Variants in EYS observed in about 807,000 individuals in gnomAD.
EYS encodes the protein EGF-like photoreceptor maintenance factor.
Under a neutral mutation model 282.1 loss-of-function variants are expected in EYS, and 250 were observed. The observed-to-expected ratio is 0.89, with a 90% CI of 0.80 to 0.98. The LOEUF (loss-of-function observed/expected upper bound fraction) is 0.98, where lower values mean the gene tolerates loss of function less well. Ranked by LOEUF, EYS falls within the 50% of genes least tolerant of loss-of-function variation. EYS has a pLI of 0.00. For synonymous variants in EYS, 1,355 were observed against 1,282.9 expected, an observed-to-expected ratio of 1.06 and a Z score of -1.20; for missense variants, 4,016 against 3,709.0, an observed-to-expected ratio of 1.08 and a Z score of -2.15.
rs530562113 is a variant in EYS at position 63,938,912 on chromosome 6, CTAAA to C, written c.7055+45467_7055+45470del. On this transcript the variant is annotated intron_variant, in intron 35 of 42. Transcript: ENST00000503581. ...CATGGGTCAGGAGCACAAAAGTGAA[CTAAA>C]TAACAGAAATCAAAAGGCAAACATT... is the stretch of plus-strand genomic sequence containing the variant. 4.5e-3 allele frequency among the ~76,000 whole-genome samples: 684 copies of C among 152,222 alleles called. 4 individuals are homozygous for C. The highest frequency in any genetic ancestry group is 0.015 in the African/African-American group (628 of 41,528).
chr6:65,113,339 T>C (rs917346673), intron 12 of EYS, among the ~76,000 whole-genome samples: 3 of 151,990 alleles, frequency 2.0e-5, no homozygotes, highest in African/African-American at 7.2e-5. Context: ...ACAATCTATA[T>C]GATGAGTAGG....
intron 22 of EYS, among the ~76,000 whole-genome samples, chr6:64,655,065 A>C (rs1288826447): frequency 1.3e-5 from 2 of 152,312 alleles, no homozygotes; most frequent in East Asian, 3.9e-4. Flanking sequence ...ACGTGAAAAA[A>C]ATCGATCCAT....
chr6:64,302,907 C>A (rs1442269099), intron 30 of EYS, among the ~76,000 whole-genome samples: 2 of 152,102 alleles, frequency 1.3e-5, no homozygotes, highest in African/African-American at 4.8e-5. Flanking sequence ...CTTGTTTTCA[C>A]ACCCCCTCAG....
At position 63,809,396 on chromosome 6, in the gene EYS, C is replaced by T. The variant is rs548162324; in HGVS notation, c.7229-3024G>A. Among the ~76,000 whole-genome samples the T allele has an allele frequency of 3.3e-5, 5 of 152,320 alleles. No individual in the cohort carries two copies. The South Asian group carries it at 1.0e-3, about 32-fold the overall frequency. On this transcript the variant is annotated intron_variant, in intron 36 of 42. Coordinates refer to ENST00000503581, the MANE Select transcript of EYS (RefSeq NM_001142800.2). ...GCCTTCTGGAAGGATCAGTCATCAT[C>T]TAATCAGGAAATTGAACAGATTGTA...
At chr6:65,650,607 G>T (rs566390060) in intron 1 of EYS, among the ~76,000 whole-genome samples, 19 of 152,204 alleles carry the variant, frequency 1.2e-4, no homozygotes, top group African/African-American at 3.6e-4. Context: ...AGGCAAAAAC[G>T]AATGATAAAT....
chr6:63,810,216 G>A (rs1366870023), intron 36 of EYS, among the ~76,000 whole-genome samples: 7 of 147,700 alleles, frequency 4.7e-5, no homozygotes, highest in Admixed American at 1.4e-4. Context: ...AGCCGAGATC[G>A]CGCCACTGCA....
chr6:64,305,758 T>G (rs999080662), intron 30 of EYS, among the ~76,000 whole-genome samples: 2 of 152,130 alleles, frequency 1.3e-5, no homozygotes, highest in African/African-American at 4.8e-5. Context: ...ATTAAAAAGC[T>G]GAAACTTTAA....
In EYS at chr6:64,645,343, T is replaced by C. The variant is rs535474693; in HGVS notation, c.3444-19098A>G. Among the ~76,000 whole-genome samples, 247 of 152,340 alleles carry C rather than the reference T, an allele frequency of 1.6e-3. 3 individuals carry two copies. The highest frequency in any genetic ancestry group is 0.014 in the Middle Eastern group (4 of 294). ...TAAACAACTTAAAGCAGAACGATTT[T>C]AGACAAATCACAATATTGAATCCTC... On this transcript the variant is annotated intron_variant, in intron 22 of 42. Coordinates refer to ENST00000503581, the MANE Select transcript of EYS (RefSeq NM_001142800.2).
At chr6:65,507,857 A>C (rs1766714483) in intron 2 of EYS, among the ~76,000 whole-genome samples, 1 of 151,736 alleles carries the variant, frequency 6.6e-6, no homozygotes, top group Non-Finnish European at 1.5e-5. Flanking sequence ...TTTTTATTAG[A>C]TCTCTTAACA....
chr6:65,164,571 A>G (rs538938406), intron 12 of EYS, among the ~76,000 whole-genome samples: 1 of 151,414 alleles, frequency 6.6e-6, no homozygotes, highest in Non-Finnish European at 1.5e-5. Flanking sequence ...ACAGATCTAG[A>G]TCTATCTATC....
At chr6:64,401,094 T>A (rs1773525238) in intron 28 of EYS, among the ~76,000 whole-genome samples, 1 of 152,064 alleles carries the variant, frequency 6.6e-6, no homozygotes, top group African/African-American at 2.4e-5. Context: ...CAGCAAGTTC[T>A]AAACTTGCAC....
chr6:63,822,003 G>A (rs1039024057), intron 36 of EYS: 1 of 152,200 alleles, frequency 6.6e-6, no homozygotes, highest in African/African-American at 2.4e-5. Context: ...CCATGATGAA[G>A]GGCCATGTGC....
intron 15 of EYS, among the ~76,000 whole-genome samples, chr6:64,939,629 T>A (rs1769021526): frequency 6.6e-6 from 1 of 151,836 alleles, no homozygotes; most frequent in African/African-American, 2.4e-5. Context: ...AAGAATATTT[T>A]GAACCAATAG....
chr6:64,818,597 A>G (rs1764811628), intron 21 of EYS, among the ~76,000 whole-genome samples: 1 of 152,122 alleles, frequency 6.6e-6, no homozygotes, highest in Non-Finnish European at 1.5e-5. Flanking sequence ...AAAGCCCCTG[A>G]CAAACCACTG....
intron 30 of EYS, among the ~76,000 whole-genome samples, chr6:64,268,712 T>C (rs1189662303): frequency 6.6e-6 from 1 of 152,126 alleles, no homozygotes; most frequent in African/African-American, 2.4e-5. Flanking sequence ...AAGAATTGTT[T>C]GGGGATTCTG....
At chr6:64,397,439 T>G (rs541683695) in intron 28 of EYS, among the ~76,000 whole-genome samples, 1 of 152,192 alleles carries the variant, frequency 6.6e-6, no homozygotes, top group South Asian at 2.1e-4. Flanking sequence ...TCTTTGTGTT[T>G]TCTTTGTGGA....
intron 5 of EYS, among the ~76,000 whole-genome samples, chr6:65,407,097 C>T (rs982111261): frequency 9.2e-5 from 14 of 152,178 alleles, no homozygotes; most frequent in Non-Finnish European, 7.4e-5. Context: ...GATGAATATG[C>T]AATGTATCTC....
intron 22 of EYS, among the ~76,000 whole-genome samples, chr6:64,747,335 G>A (rs747466203): frequency 9.9e-5 from 15 of 151,888 alleles, no homozygotes; most frequent in South Asian, 2.1e-4. Flanking sequence ...TTATGTTGGC[G>A]TCATTTTTGA....
chr6:64,895,499 G>A (rs1306751700), intron 18 of EYS, among the ~76,000 whole-genome samples: 1 of 152,136 alleles, frequency 6.6e-6, no homozygotes, highest in Non-Finnish European at 1.5e-5. Context: ...AGAAGAAATT[G>A]CCAAAATATC....
Sources: allele counts gnomAD v4.1 joint callset (sites outside exome capture counted in the v4.1 genomes callset), GRCh38; gene constraint gnomAD v4.1.1; transcripts MANE v1.5; gene names NCBI Gene and HGNC (gene_info 2026-07-23, HGNC 2026-07-21).